The following CTNNA2 variants were observed in gnomAD, a reference collection of about 807,000 sequenced individuals.
The protein encoded by CTNNA2 is catenin alpha 2, also known as catenin alpha-2.
A neutral mutation model predicts 101.0 loss-of-function variants in CTNNA2; 42 were observed. The observed-to-expected ratio is 0.42, with a 90% CI of 0.32 to 0.54. The LOEUF (loss-of-function observed/expected upper bound fraction) is 0.54. Ranked by LOEUF, CTNNA2 falls within the 20% of genes least tolerant of loss-of-function variation. CTNNA2 has a pLI of 0.14. For missense variants in CTNNA2, 871 were observed against 1,223.1 expected, an observed-to-expected ratio of 0.71 and a Z score of 4.29; for synonymous variants, 450 against 456.4, an observed-to-expected ratio of 0.99 and a Z score of 0.18.
chr2:79,435,028 A>G (rs535584566), intron 4 of CTNNA2, among the ~76,000 whole-genome samples: 1 of 151,986 alleles, frequency 6.6e-6, no homozygotes, highest in Admixed American at 6.6e-5. Flanking sequence ...TCTGTAACTA[A>G]CCATAGTGCC....
intron 9 of CTNNA2, among the ~76,000 whole-genome samples, chr2:80,488,686 T>C (rs1205031783): frequency 1.3e-5 from 2 of 152,176 alleles, no homozygotes; most frequent in Non-Finnish European, 2.9e-5. Context: ...TATCAGTTTA[T>C]AAAAGCATGT....
rs571822463 is a variant in CTNNA2, at chr2:79,490,589, A to G, written c.-134-14465A>G. On this transcript the variant is annotated intron_variant, in intron 4 of 21. Coordinates refer to the CTNNA2 transcript ENST00000466387. ...CATCTTTTAGACCATTAAATAATGA[A>G]GAATCTATTGTTTCAAGAAAGAGTT... Among the ~76,000 whole-genome samples, 6 of 152,340 alleles carry G rather than the reference A, an allele frequency of 3.9e-5. No homozygotes were observed. In the East Asian group the frequency reaches 1.2e-3, roughly 29 times the overall value.
chr2:80,232,345 G>GTTTTTTTTTT (rs61454985), intron 7 of CTNNA2, among the ~76,000 whole-genome samples: 45 of 64,786 alleles, frequency 6.9e-4, no homozygotes, highest in Non-Finnish European at 8.2e-4. Flanking sequence ...TTGTTTGTTT[G>GTTTTTTTTTT]TTTTTTTTTT....
intron 7 of CTNNA2, among the ~76,000 whole-genome samples, chr2:80,290,218 C>T (rs907962935): frequency 6.6e-6 from 1 of 152,112 alleles, no homozygotes; most frequent in Non-Finnish European, 1.5e-5. Flanking sequence ...CTAATTAATT[C>T]CATGCCAGAT....
chr2:80,044,582 C>T (rs1392577411), intron 7 of CTNNA2, among the ~76,000 whole-genome samples: 1 of 152,032 alleles, frequency 6.6e-6, no homozygotes, highest in African/African-American at 2.4e-5. Context: ...TCTTTCTCTC[C>T]CTCTCCTGGG....
chr2:79,608,008 G>A (rs1200819940), intron 1 of CTNNA2, among the ~76,000 whole-genome samples: 2 of 151,798 alleles, frequency 1.3e-5, no homozygotes, highest in South Asian at 4.1e-4. Context: ...GATAAATTTA[G>A]TAAGTCTCTA....
chr2:80,002,224 T>A (rs1692999970), intron 7 of CTNNA2, among the ~76,000 whole-genome samples: 1 of 152,210 alleles, frequency 6.6e-6, no homozygotes, highest in Non-Finnish European at 1.5e-5. Context: ...GAGTGCTCTT[T>A]AAAGAGCAAC....
intron 2 of CTNNA2, among the ~76,000 whole-genome samples, chr2:79,261,869 G>T (rs1033906417): frequency 3.9e-5 from 6 of 152,174 alleles, no homozygotes; most frequent in African/African-American, 1.4e-4. Context: ...AAACTGTTCA[G>T]CTAACTAGTT....
chr2:79,680,876 C>G (rs1319512733), intron 2 of CTNNA2, among the ~76,000 whole-genome samples: 3 of 151,788 alleles, frequency 2.0e-5, no homozygotes, highest in Non-Finnish European at 2.9e-5. Flanking sequence ...CACAAACGTC[C>G]TCTGTCCTGA....
At chr2:79,498,071 A>G (rs1671278227) in intron 4 of CTNNA2, 1 of 152,234 alleles carries the variant, frequency 6.6e-6, no homozygotes, top group Non-Finnish European at 1.5e-5. Context: ...AATATTCACC[A>G]CAATCAAATG....
At chr2:80,339,549 C>A (rs1672045037) in intron 7 of CTNNA2, among the ~76,000 whole-genome samples, 1 of 152,118 alleles carries the variant, frequency 6.6e-6, no homozygotes, top group Non-Finnish European at 1.5e-5. Context: ...AGTAGAAATA[C>A]CTCTTCCAGT....
chr2:80,474,627 A>G (rs1271474839), intron 9 of CTNNA2, among the ~76,000 whole-genome samples: 1 of 152,186 alleles, frequency 6.6e-6, no homozygotes, highest in African/African-American at 2.4e-5. Context: ...TCTTTTTATT[A>G]TCTAGATAAT....
intron 9 of CTNNA2, among the ~76,000 whole-genome samples, chr2:80,459,959 G>C (rs1235212761): frequency 6.6e-6 from 1 of 152,134 alleles, no homozygotes; most frequent in Non-Finnish European, 1.5e-5. Flanking sequence ...AGATAAACCT[G>C]TGGGGGGCAC....
At chr2:79,274,774 C>T (rs1675170576) in intron 2 of CTNNA2, among the ~76,000 whole-genome samples, 1 of 151,916 alleles carries the variant, frequency 6.6e-6, no homozygotes, top group African/African-American at 2.4e-5. Flanking sequence ...TTAAGCAATG[C>T]AATATTGTTT....
intron 7 of CTNNA2, among the ~76,000 whole-genome samples, chr2:80,158,296 G>A (rs1356520611): frequency 6.6e-6 from 1 of 152,126 alleles, no homozygotes; most frequent in Non-Finnish European, 1.5e-5. Context: ...GAAATACCAT[G>A]TACTGTCTCA....
chr2:79,719,721 C>G (rs547207893), intron 2 of CTNNA2, among the ~76,000 whole-genome samples: 1 of 152,036 alleles, frequency 6.6e-6, no homozygotes, highest in East Asian at 1.9e-4. Context: ...TGTTCATGTC[C>G]TTTGCCCGTT....
chr2:80,418,438 T>A (rs948232338), intron 8 of CTNNA2, among the ~76,000 whole-genome samples: 1 of 152,226 alleles, frequency 6.6e-6, no homozygotes, highest in Non-Finnish European at 1.5e-5. Context: ...CAACTTTACA[T>A]AGACTTTATT....
chr2:79,954,000 A>G (rs538220594), intron 7 of CTNNA2, among the ~76,000 whole-genome samples: 1 of 152,298 alleles, frequency 6.6e-6, no homozygotes, highest in African/African-American at 2.4e-5. Flanking sequence ...GAAAAGGGCT[A>G]ATTTATAAAG....
At position 79,216,610 on chromosome 2, in the gene CTNNA2, C is replaced by A. The variant is rs559147374; in HGVS notation, c.-406+18534C>A. Among the ~76,000 whole-genome samples, 9 of 147,076 alleles carry A rather than the reference C, an allele frequency of 6.1e-5. No individual in the cohort carries two copies. The South Asian group carries it at 1.7e-3, about 28-fold the overall frequency. The stretch of plus-strand genomic sequence containing the variant: ...CAGGGGGTTCTTGTCCCCAGAAAAG[C>A]AGAGAAGGGGTAGAGACATGCAGAG... On this transcript the variant is annotated intron_variant, in intron 2 of 21. Coordinates refer to the CTNNA2 transcript ENST00000466387.
Sources: allele counts gnomAD v4.1 joint callset (sites outside exome capture counted in the v4.1 genomes callset), GRCh38; gene constraint gnomAD v4.1.1; transcripts MANE v1.5; gene names NCBI Gene and HGNC (gene_info 2026-07-23, HGNC 2026-07-21).